Variants in MYH11 observed in about 807,000 individuals in gnomAD.
MYH11 encodes the protein myosin heavy chain 11.
Under a neutral mutation model 246.6 loss-of-function variants are expected in MYH11, and 80 were observed. The observed-to-expected ratio is 0.32, with a 90% confidence interval of 0.27 to 0.39. MYH11 has a LOEUF of 0.39. Ranked by LOEUF, MYH11 falls within the 10% of genes least tolerant of loss-of-function variation. The pLI is 1.00. For missense variants in MYH11, 2,158 were observed against 2,546.8 expected, an observed-to-expected ratio of 0.85 and a Z score of 3.29; for synonymous variants, 1,071 against 1,015.5, an observed-to-expected ratio of 1.05 and a Z score of -1.04.
intron 3 of MYH11, among the ~76,000 whole-genome samples, chr16:15,812,882 A>G (rs543451167): frequency 1.5e-5 from 2 of 133,490 alleles, no homozygotes; most frequent in East Asian, 4.8e-4. Context: ...CAAAAATAAA[A>G]AAGACTGGGC....
chr16:15,721,287 TC>T, intron 32 of MYH11, 134 bp downstream of exon 32: 1 of 1,116,046 alleles, frequency 9.0e-7, no homozygotes, highest in Non-Finnish European at 1.3e-6. Flanking sequence ...CCTGCACCAG[TC>T]CAAAAACCTC....
intron 14 of MYH11, 148 bp downstream of exon 14, chr16:15,756,193 G>C (rs1376882379): frequency 1.2e-6 from 1 of 855,916 alleles, no homozygotes; most frequent in South Asian, 1.5e-5. Flanking sequence ...GACAAATTAC[G>C]AATAGGACTT....
intron 22 of MYH11, chr16:15,741,243 G>T: frequency 1.6e-6 from 1 of 632,000 alleles, no homozygotes; most frequent in Admixed American, 2.4e-5. Flanking sequence ...GGAGAAAAGG[G>T]GTTAGCACAT....
At position 15,726,964 on chromosome 16, in the gene MYH11, G is replaced by T. The variant is rs1413431094; in HGVS notation, c.3742C>A (p.Gln1248Lys). Residue 1248 changes from glutamine to lysine, a missense_variant, in exon 28 of 41, where the codon CAG becomes AAG. Physicochemically the swap from Gln to Lys is moderately conservative, Grantham distance 53. Transcript: ENST00000300036. Reference protein sequence around the residue: ...GELRVLGQAKQEVEHKKKKLE... With the variant: ...GELRVLGQAKKEVEHKKKKLE... ...TTCTTCTTCTTATGTTCCACCTCCT[G>T]CTTGGCCTGGCCCAGGACCCGCAGC... The T allele has an allele frequency of 6.2e-7, 1 of 1,613,456 alleles. No homozygotes were observed. Among genetic ancestry groups the T allele is most frequent in the Non-Finnish European group, 8.5e-7 (1 of 1,179,992 alleles).
intron 6 of MYH11, among the ~76,000 whole-genome samples, chr16:15,780,629 T>C (rs998732219): frequency 2.0e-5 from 3 of 151,674 alleles, no homozygotes; most frequent in African/African-American, 7.3e-5. Flanking sequence ...AATACAGGCA[T>C]GTGTCACTGC....
intron 6 of MYH11, among the ~76,000 whole-genome samples, chr16:15,781,916 A>G (rs1026498475): frequency 1.3e-5 from 2 of 152,244 alleles, no homozygotes; most frequent in African/African-American, 4.8e-5. Context: ...CACAGTAGGT[A>G]CTTACTAAGT....
intron 2 of MYH11, among the ~76,000 whole-genome samples, chr16:15,828,866 G>T (rs186182033): frequency 6.6e-6 from 1 of 150,468 alleles, no homozygotes; most frequent in East Asian, 1.9e-4. Context: ...ATAGAGAAAA[G>T]AAAAGAATAA....
In MYH11 at chr16:15,718,364, T is replaced by G. The variant is rs1353357594; in HGVS notation, c.5246A>C (p.Gln1749Pro). The G allele has an allele frequency of 1.2e-6, 2 of 1,602,854 alleles. No homozygotes were observed. Among genetic ancestry groups the G allele is most frequent in the Non-Finnish European group, 1.7e-6 (2 of 1,176,308 alleles). Residue 1749 changes from glutamine (Q) to proline (P), a missense_variant, in exon 37 of 41, where the codon CAG becomes CCG. Coordinates refer to ENST00000300036, the MANE Select transcript of MYH11 (RefSeq NM_002474.3). ...AQLEEELEEE[Q>P]GNMEAMSDRV... is the part of the protein sequence containing the mutation. ...GTCGCTCATGGCCTCCATGTTGCCCTGCTCCTCCTCCAGCTCCTCCTCCAG... is the reference window on the plus strand; with the variant it reads ...GTCGCTCATGGCCTCCATGTTGCCCGGCTCCTCCTCCAGCTCCTCCTCCAG...
intron 1 of MYH11, among the ~76,000 whole-genome samples, chr16:15,840,773 C>A (rs1048992693): frequency 1.3e-5 from 2 of 151,950 alleles, no homozygotes; most frequent in Non-Finnish European, 2.9e-5. Flanking sequence ...ATTATGGACC[C>A]CATGAACATG....
chr16:15,799,798 C>T (rs1189104594), intron 3 of MYH11, among the ~76,000 whole-genome samples: 1 of 152,228 alleles, frequency 6.6e-6, no homozygotes, highest in Non-Finnish European at 1.5e-5. Context: ...TAGTTCAGTG[C>T]TCAGCTCTCA....
intron 40 of MYH11, among the ~76,000 whole-genome samples, chr16:15,709,347 G>A (rs889528691): frequency 1.3e-5 from 2 of 151,686 alleles, no homozygotes; most frequent in Non-Finnish European, 2.9e-5. Context: ...TTGATACTCT[G>A]TCACCCAGGA....
intron 3 of MYH11, among the ~76,000 whole-genome samples, chr16:15,813,421 T>C (rs2043185795): frequency 6.6e-6 from 1 of 152,188 alleles, no homozygotes; most frequent in African/African-American, 2.4e-5. Context: ...TTATGACATA[T>C]GCCTGCACCT....
rs148743922 is a variant in MYH11, at chr16:15,715,181, C to G, written c.5596G>C (p.Glu1866Gln). The change falls in exon 39 of 41, where the codon GAG becomes CAG. Residue 1866 changes from glutamate to glutamine, a missense_variant. By Grantham distance (29) the Glu-to-Gln change is conservative. This residue lies in a region of MYH11 where 1,013 missense variants were observed against 993.5 expected (regional missense o/e 1.02). Transcript: ENST00000300036. ...GGGGCTACCTGCTCCTTGTACTGCT[C>G]GGCCATCTTGCGCTCGTCCTCCACC... ...LQVEDERKMA[E>Q]QYKEQAEKGN... is the part of the protein sequence containing the mutation. 2 of 1,613,808 alleles carry G rather than the reference C, an allele frequency of 1.2e-6. No homozygotes were observed. The highest frequency in any genetic ancestry group is 1.3e-5 in the African/African-American group (1 of 75,042).
intron 20 of MYH11, 122 bp from the exon 21 acceptor site, chr16:15,742,013 T>C (rs2041289381): frequency 6.9e-7 from 1 of 1,446,442 alleles, no homozygotes; most frequent in Admixed American, 2.0e-5. Context: ...CACTAGGGGA[T>C]ATTGTCTGGA....
At chr16:15,852,169 T>C (rs572086737) in intron 1 of MYH11, among the ~76,000 whole-genome samples, 1 of 152,186 alleles carries the variant, frequency 6.6e-6, no homozygotes, top group South Asian at 2.1e-4. Context: ...ACGTTCCTTA[T>C]GAGAATCTAA....
intron 3 of MYH11, among the ~76,000 whole-genome samples, chr16:15,801,100 G>C (rs1341317589): frequency 6.6e-6 from 1 of 152,108 alleles, no homozygotes; most frequent in Non-Finnish European, 1.5e-5. Flanking sequence ...CAGCTACTCA[G>C]AAGGCTGAGG....
chr16:15,711,413 AG>A (rs1324529518), intron 40 of MYH11: 3 of 152,194 alleles, frequency 2.0e-5, no homozygotes, highest in African/African-American at 7.2e-5. Flanking sequence ...TTGGTGATCA[AG>A]TTGTGGCCAC....
chr16:15,778,217 A>T (rs943271850), intron 7 of MYH11, among the ~76,000 whole-genome samples: 7 of 152,298 alleles, frequency 4.6e-5, no homozygotes, highest in African/African-American at 1.7e-4. Flanking sequence ...GTTCCTTGCG[A>T]TACCAGCATT....
chr16:15,826,594 G>GAAAAAGAAAAAA (rs60312771), intron 2 of MYH11, among the ~76,000 whole-genome samples: 18 of 148,210 alleles, frequency 1.2e-4, no homozygotes, highest in Middle Eastern at 3.5e-3. Flanking sequence ...TCTCAAAAAA[G>GAAAAAGAAAAAA]AAAAAGAAAG....
Sources: gnomAD v4.1 joint callset for allele counts (sites outside exome capture counted in the v4.1 genomes callset) on GRCh38, gnomAD v4.1.1 for gene constraint, gnomAD v4.1.1 regional missense constraint, MANE v1.5 for transcripts, NCBI Gene and HGNC (gene_info 2026-07-23, HGNC 2026-07-21) for gene names.